IGFBP2: variants seen among roughly 807,000 people sequenced by gnomAD.
IGFBP2 encodes insulin like growth factor binding protein 2.
A neutral mutation model predicts 26.2 loss-of-function variants in IGFBP2; 12 were observed. That is an observed-to-expected ratio of 0.46 (90% confidence interval 0.29 to 0.74). IGFBP2 has a LOEUF of 0.74. Among genes scored for constraint, IGFBP2 ranks in the 30% least tolerant of loss-of-function variants. The pLI, the probability that IGFBP2 is intolerant of heterozygous loss-of-function variation, is 0.09. For synonymous variants in IGFBP2, 189 were observed against 200.6 expected, an observed-to-expected ratio of 0.94 and a Z score of 0.49; for missense variants, 328 against 441.2, an observed-to-expected ratio of 0.74 and a Z score of 2.30.
chr2:216,640,547 G>A (rs557393639), intron 1 of IGFBP2, among the ~76,000 whole-genome samples: 2 of 152,234 alleles, frequency 1.3e-5, no homozygotes, highest in Admixed American at 6.5e-5. Flanking sequence ...ATTATGAACT[G>A]GCTTCTGTGC....
chr2:216,664,337 G>T lies in IGFBP2; in HGVS notation c.*233G>T. The T allele has an allele frequency of 2.4e-6, 1 of 410,246 alleles. No homozygotes were observed. Among genetic ancestry groups the T allele is most frequent in the Non-Finnish European group, 4.3e-6 (1 of 231,156 alleles). 25.4% of individuals were successfully genotyped at this position (410,246 alleles called of 1,614,324 possible). A position where few individuals can be genotyped will look rare whatever the true frequency, so the allele number is the denominator to read the frequency against. On this transcript the variant is annotated 3_prime_UTR_variant, in exon 4 of 4. Transcript: ENST00000233809. This position sits in a 1 kb window ranked among gnomAD's most constrained non-coding sequence, Gnocchi z 4.6. The stretch of plus-strand genomic sequence containing the variant: ...TCCCCGGGGGAGGAAGGGGGTTGTG[G>T]TCGGGGAGCTGGGGTACAGGTTTGG...
chr2:216,641,801 T>C (rs1182377529), intron 1 of IGFBP2, among the ~76,000 whole-genome samples: 2 of 150,730 alleles, frequency 1.3e-5, no homozygotes, highest in African/African-American at 2.4e-5. Flanking sequence ...GCCATTCTCC[T>C]GCCTCAGCCT....
At chr2:216,648,969 A>G (rs1697767373) in intron 1 of IGFBP2, among the ~76,000 whole-genome samples, 1 of 152,222 alleles carries the variant, frequency 6.6e-6, no homozygotes, top group African/African-American at 2.4e-5. Context: ...GAACAATGTA[A>G]TAACACAAGT....
At chr2:216,659,599 C>A in intron 1 of IGFBP2, 1 of 769,052 alleles carries the variant, frequency 1.3e-6, no homozygotes, top group Non-Finnish European at 2.2e-6. Context: ...TTTGGCTGGA[C>A]GTGCCTCAGC....
chr2:216,646,884 A>T (rs1174514453), intron 1 of IGFBP2, among the ~76,000 whole-genome samples: 1 of 152,226 alleles, frequency 6.6e-6, no homozygotes, highest in Admixed American at 6.5e-5. Context: ...GCCAAACCAT[A>T]TCAGATGGTC....
At chr2:216,657,349 TTGAC>T (rs1417784901) in intron 1 of IGFBP2, among the ~76,000 whole-genome samples, 2 of 152,308 alleles carry the variant, frequency 1.3e-5, no homozygotes, top group East Asian at 3.9e-4. Context: ...AGATGGAAAG[TTGAC>T]TGAACCTGAT....
chr2:216,649,662 C>G (rs1047603416), intron 1 of IGFBP2, among the ~76,000 whole-genome samples: 1 of 152,214 alleles, frequency 6.6e-6, no homozygotes, highest in South Asian at 2.1e-4. Flanking sequence ...GCTTGGCTCA[C>G]GGGGCCCCAG....
intron 1 of IGFBP2, among the ~76,000 whole-genome samples, chr2:216,641,972 T>A (rs1697624892): frequency 6.9e-6 from 1 of 144,732 alleles, no homozygotes; most frequent in Non-Finnish European, 1.5e-5. Flanking sequence ...ATTACAGGCG[T>A]GAGCCATGGT....
intron 1 of IGFBP2, among the ~76,000 whole-genome samples, chr2:216,656,060 A>G (rs1031172299): frequency 6.6e-6 from 1 of 152,194 alleles, no homozygotes; most frequent in African/African-American, 2.4e-5. Flanking sequence ...CCAGAGCCCA[A>G]TGGACAAGTT....
At chr2:216,655,805 G>A (rs1697909421) in intron 1 of IGFBP2, among the ~76,000 whole-genome samples, 1 of 151,722 alleles carries the variant, frequency 6.6e-6, no homozygotes, top group Non-Finnish European at 1.5e-5. Flanking sequence ...TGAGGCAGGA[G>A]AATTGCTCAA....
At chr2:216,653,153 G>A (rs927079610) in intron 1 of IGFBP2, among the ~76,000 whole-genome samples, 2 of 152,200 alleles carry the variant, frequency 1.3e-5, no homozygotes, top group Admixed American at 1.3e-4. Context: ...TGAGGAGGAA[G>A]GACCAGGGAG....
chr2:216,636,576 G>A (rs1393394448), intron 1 of IGFBP2, among the ~76,000 whole-genome samples: 2 of 152,124 alleles, frequency 1.3e-5, no homozygotes, highest in South Asian at 2.1e-4. Flanking sequence ...TGGGGGAAGG[G>A]GTGGGTAGGC....
At chr2:216,662,171 A>G in intron 3 of IGFBP2, 173 bp downstream of exon 3, 1 of 720,422 alleles carries the variant, frequency 1.4e-6, no homozygotes, top group Non-Finnish European at 2.2e-6. Context: ...GGGAGGGTGC[A>G]GCTCTTCTCC....
intron 1 of IGFBP2, among the ~76,000 whole-genome samples, chr2:216,651,119 C>T (rs1697815190): frequency 6.6e-6 from 1 of 152,126 alleles, no homozygotes. Flanking sequence ...CAGGGGAAGA[C>T]ACATAAACAG....
At chr2:216,653,770 A>C (rs914406755) in intron 1 of IGFBP2, among the ~76,000 whole-genome samples, 1 of 152,242 alleles carries the variant, frequency 6.6e-6, no homozygotes, top group Non-Finnish European at 1.5e-5. Flanking sequence ...GTTGTCTGTC[A>C]TCTCCCTGAC....
At chr2:216,646,668 C>A (rs199547555) in intron 1 of IGFBP2, among the ~76,000 whole-genome samples, 1 of 152,188 alleles carries the variant, frequency 6.6e-6, no homozygotes, top group Non-Finnish European at 1.5e-5. Context: ...GGTGAAGGCA[C>A]GTCTCACATG....
At chr2:216,653,276 A>G (rs1697860787) in intron 1 of IGFBP2, among the ~76,000 whole-genome samples, 2 of 152,226 alleles carry the variant, frequency 1.3e-5, no homozygotes, top group African/African-American at 4.8e-5. Context: ...TTGTGCTAGG[A>G]GAAAATGAGA....
chr2:216,644,913 C>T (rs1697681368), intron 1 of IGFBP2, among the ~76,000 whole-genome samples: 1 of 152,218 alleles, frequency 6.6e-6, no homozygotes, highest in African/African-American at 2.4e-5. Flanking sequence ...CAGACTCACA[C>T]ATGCAGAAAA....
rs561910221 is a variant in IGFBP2 at position 216,658,065 on chromosome 2, T to C, written c.443-2492T>C. ...AGACATGGAAATCCCCAGGGTTCAT[T>C]GAGGGGCATTCATTGTTTGCCACAC... On this transcript the variant is annotated intron_variant, in intron 1 of 3. Transcript: ENST00000233809. Among the ~76,000 whole-genome samples, 5 of 152,324 alleles carry C rather than the reference T, an allele frequency of 3.3e-5. 1 individual carries two copies. In the East Asian group the frequency reaches 9.6e-4, roughly 29 times the overall value.
Sources: allele counts gnomAD v4.1 joint callset (sites outside exome capture counted in the v4.1 genomes callset), GRCh38; gene constraint gnomAD v4.1.1; non-coding constraint Gnocchi (gnomAD v3.1); transcripts MANE v1.5; gene names NCBI Gene and HGNC (gene_info 2026-07-23, HGNC 2026-07-21).